Variants in BMP8A observed in about 807,000 individuals in gnomAD.
BMP8A encodes BMP-8A.
Under a neutral mutation model 36.8 loss-of-function variants are expected in BMP8A, and 14 were observed. The ratio of observed to expected loss-of-function variants is 0.38; its 90% CI spans 0.25 to 0.60. BMP8A has a LOEUF of 0.60. Among genes scored for constraint, BMP8A ranks in the 20% least tolerant of loss-of-function variants. The probability of loss-of-function intolerance (pLI) is 0.63; values close to 1 mark genes in which losing one functional copy is unlikely to be tolerated. For missense variants in BMP8A, 267 were observed against 551.1 expected (o/e 0.48, Z 5.16); for synonymous variants, 120 against 237.7 (o/e 0.50, Z 4.55).
chr1:39,499,706 CTGAT>C (rs1315817790), intron 1 of BMP8A, among the ~76,000 whole-genome samples: 2 of 152,164 alleles, frequency 1.3e-5, no homozygotes, highest in South Asian at 4.1e-4. Context: ...TGAGGGCTCT[CTGAT>C]TGTTTATTTT....
Position 39,527,320 on chromosome 1 carries a change from T to C in BMP8A, c.*1522T>C, listed in dbSNP as rs1442682302. Among the ~76,000 whole-genome samples the C allele has an allele frequency of 1.3e-5, 2 of 152,060 alleles. No homozygotes were observed. The highest frequency in any genetic ancestry group is 2.9e-5 in the Non-Finnish European group (2 of 68,000). On this transcript the variant is annotated 3_prime_UTR_variant, in exon 7 of 7. Transcript: ENST00000331593. ...GGAACAGCCACTGGGAGTTGGAGTG[T>C]TTATTTGATTTCTGACTTGCTAAGC...
At chr1:39,505,582 C>T (rs577607077) in intron 1 of BMP8A, among the ~76,000 whole-genome samples, 1 of 152,318 alleles carries the variant, frequency 6.6e-6, no homozygotes, top group African/African-American at 2.4e-5. Context: ...TTCCCCCACA[C>T]ACTTCTGTGG....
intron 3 of BMP8A, chr1:39,514,879 G>T (rs1323348150): frequency 4.4e-6 from 6 of 1,373,238 alleles, no homozygotes; most frequent in Non-Finnish European, 5.7e-6. Context: ...GCGGGCGCCC[G>T]CCCTGCTCTG....
intron 6 of BMP8A, 26 bp downstream of exon 6, chr1:39,523,143 GC>G: frequency 6.2e-7 from 1 of 1,609,318 alleles, no homozygotes; most frequent in Admixed American, 1.7e-5. Flanking sequence ...ATCCTGCCCA[GC>G]CCCCTGGGGT....
chr1:39,502,216 C>T (rs180790964), intron 1 of BMP8A, among the ~76,000 whole-genome samples: 9 of 130,382 alleles, frequency 6.9e-5, no homozygotes, highest in East Asian at 4.5e-4. Context: ...CCAGCCTGGC[C>T]GACAGAGTGA....
At chr1:39,501,875 G>A (rs1645256389) in intron 1 of BMP8A, among the ~76,000 whole-genome samples, 1 of 152,204 alleles carries the variant, frequency 6.6e-6, no homozygotes, top group Non-Finnish European at 1.5e-5. Context: ...TGCCAGCAAT[G>A]CCCAGAAGTG....
chr1:39,508,258 A>AAAAAAG (rs1645319887), intron 1 of BMP8A, among the ~76,000 whole-genome samples: 1 of 151,376 alleles, frequency 6.6e-6, no homozygotes, highest in Admixed American at 6.6e-5. Context: ...CTCAAAAAAA[A>AAAAAAG]AAAAAAGAAA....
chr1:39,507,882 A>G (rs900610356), intron 1 of BMP8A, among the ~76,000 whole-genome samples: 2 of 152,222 alleles, frequency 1.3e-5, no homozygotes, highest in African/African-American at 4.8e-5. Flanking sequence ...TGCCTTGACA[A>G]AGATCAGGCA....
chr1:39,509,468 C>T (rs1645331937), intron 1 of BMP8A, among the ~76,000 whole-genome samples: 1 of 152,176 alleles, frequency 6.6e-6, no homozygotes, highest in Admixed American at 6.5e-5. Context: ...TGGCCTGTGT[C>T]ACGGCATCTG....
Position 39,526,223 on chromosome 1 carries a change from T to C in BMP8A, c.*425T>C, listed in dbSNP as rs1354936835. ...CAACACTGGCCATTTCTGGGCAAAA[T>C]TGGACACGCTTATGTTCTCAGCACA... On this transcript the variant is annotated 3_prime_UTR_variant, in exon 7 of 7. Transcript: ENST00000331593. Among the ~76,000 whole-genome samples, 3 of 152,196 alleles carry C rather than the reference T, an allele frequency of 2.0e-5. No homozygotes were observed. Among genetic ancestry groups the C allele is most frequent in the East Asian group, 1.9e-4 (1 of 5,202 alleles).
At chr1:39,496,368 G>A (rs907152823) in intron 1 of BMP8A, among the ~76,000 whole-genome samples, 3 of 150,080 alleles carry the variant, frequency 2.0e-5, no homozygotes, top group Admixed American at 6.7e-5. Flanking sequence ...AACAGGAGGG[G>A]CTGAACAATG....
Position 39,525,183 on chromosome 1 carries a change from G to A in BMP8A, c.1060-466G>A, listed in dbSNP as rs1246912414. The A allele has an allele frequency of 3.6e-5, 6 of 168,196 alleles. No homozygotes were observed. The East Asian group carries it at 5.1e-4, about 14-fold the overall frequency. The allele number at this position is 168,196 out of a possible 1,614,324, so 10.4% of individuals were successfully genotyped here. A position where few individuals can be genotyped will look rare whatever the true frequency, so the allele number is the denominator to read the frequency against. ...GAAGGAGCAGCACAGGAGAGGGGGC[G>A]AGGCCTGGCCTCCCAGAGCCTGGGG... On this transcript the variant is annotated intron_variant, in intron 6 of 6. Coordinates refer to ENST00000331593, the MANE Select transcript of BMP8A (RefSeq NM_181809.4).
Position 39,527,352 on chromosome 1 carries a change from T to G in BMP8A, c.*1554T>G, listed in dbSNP as rs917984682. ...GATTTCTGACTTGCTAAGCCTGTAATTTACCTGCTGGAACAGACAGAGTCC... is the reference window on the plus strand; with the variant it reads ...GATTTCTGACTTGCTAAGCCTGTAAGTTACCTGCTGGAACAGACAGAGTCC... On this transcript the variant is annotated 3_prime_UTR_variant, in exon 7 of 7. Coordinates refer to ENST00000331593, the MANE Select transcript of BMP8A (RefSeq NM_181809.4). Among the ~76,000 whole-genome samples the G allele has an allele frequency of 2.6e-5, 4 of 152,172 alleles. No individual in the cohort carries two copies. The highest frequency in any genetic ancestry group is 9.7e-5 in the African/African-American group (4 of 41,428).
At chr1:39,492,625 C>G (rs966318767) in intron 1 of BMP8A, among the ~76,000 whole-genome samples, 25 of 152,180 alleles carry the variant, frequency 1.6e-4, no homozygotes, top group African/African-American at 5.8e-4. Flanking sequence ...TGGGCTGCCC[C>G]GGGAAGACAG....
intron 1 of BMP8A, among the ~76,000 whole-genome samples, chr1:39,498,385 T>C (rs140609294): frequency 0.014 from 2,193 of 152,204 alleles, 41 homozygotes; most frequent in African/African-American, 0.05. Flanking sequence ...GGAGGAATTG[T>C]GTCTTTCTTG....
At chr1:39,496,575 C>T (rs1456510948) in intron 1 of BMP8A, among the ~76,000 whole-genome samples, 2 of 152,150 alleles carry the variant, frequency 1.3e-5, no homozygotes, top group South Asian at 2.1e-4. Context: ...TGATACCCAG[C>T]GATGCCCACG....
At position 39,492,287 on chromosome 1, in the gene BMP8A, TG is replaced by T; in HGVS notation, c.299del (p.Gly100AlafsTer7). On this transcript the variant is annotated frameshift_variant, in exon 1 of 7. Transcript: ENST00000331593. LOFTEE classifies it high-confidence loss of function. ...GACGGCGCGCCCGCGGAGCAGCGCC[TG>T]GGCCGCGCCGACCTGGTCATGAGCT... ...DEDGAPAEQR[L>X]GRADLVMSFV... 1 of 1,565,062 alleles carries T rather than the reference TG, an allele frequency of 6.4e-7. No homozygotes were observed. The highest frequency in any genetic ancestry group is 1.1e-5 in the South Asian group (1 of 88,732).
At position 39,504,490 on chromosome 1, in the gene BMP8A, A is replaced by G. The variant is rs371355870; in HGVS notation, c.335-6684A>G. 7.2e-5 allele frequency among the ~76,000 whole-genome samples: 11 copies of G among 151,790 alleles called. No individual in the cohort carries two copies. In the East Asian group the frequency reaches 7.8e-4, roughly 11 times the overall value. On this transcript the variant is annotated intron_variant, in intron 1 of 6. Transcript: ENST00000331593. ...GCCAGATTTATGTTTGACTTTACACAAACATCTCAATGCAGTAAAGAGCAG... is the reference window on the plus strand; with the variant it reads ...GCCAGATTTATGTTTGACTTTACACGAACATCTCAATGCAGTAAAGAGCAG...
chr1:39,516,111 A>C, intron 3 of BMP8A: 2 of 662,084 alleles, frequency 3.0e-6, no homozygotes, highest in South Asian at 4.0e-5. Flanking sequence ...GGACACATCC[A>C]ACTAACCATG....
Sources: gnomAD v4.1 joint callset for allele counts (sites outside exome capture counted in the v4.1 genomes callset) on GRCh38, gnomAD v4.1.1 for gene constraint, MANE v1.5 for transcripts, NCBI Gene and HGNC (gene_info 2026-07-23, HGNC 2026-07-21) for gene names.